Variants in ACSM5 observed in about 807,000 individuals in gnomAD.
ACSM5 encodes acyl-coenzyme A synthetase ACSM5, mitochondrial.
ACSM5 carries 56 observed loss-of-function variants against 71.6 expected under a neutral mutation model. The observed-to-expected ratio is 0.78, with a 90% CI of 0.63 to 0.98. The LOEUF (loss-of-function observed/expected upper bound fraction) is 0.98. Among genes scored for constraint, ACSM5 ranks in the 50% least tolerant of loss-of-function variants. The probability of loss-of-function intolerance (pLI) is 0.00; values close to 1 mark genes in which losing one functional copy is unlikely to be tolerated. For synonymous variants in ACSM5, 285 were observed against 281.5 expected (o/e 1.01, Z -0.12); for missense variants, 723 against 726.0 (o/e 1.00, Z 0.05).
chr16:20,433,301 C>A (rs1967136875), intron 10 of ACSM5, among the ~76,000 whole-genome samples: 1 of 152,222 alleles, frequency 6.6e-6, no homozygotes, highest in Non-Finnish European at 1.5e-5. Context: ...CTACAATAAA[C>A]ATAAACATTT....
intron 2 of ACSM5, among the ~76,000 whole-genome samples, chr16:20,414,352 G>A (rs141350228): frequency 5.3e-5 from 8 of 152,244 alleles, no homozygotes; most frequent in African/African-American, 1.9e-4. Flanking sequence ...AAGGCAGGAG[G>A]GTCAGAGTCA....
rs765180482 is a variant in ACSM5, at chr16:20,418,120, A to G, written c.266A>G (p.Lys89Arg). 2.5e-6 allele frequency: 4 copies of G among 1,613,852 alleles called. No individual in the cohort carries two copies. The Admixed American group carries it at 6.7e-5, about 27-fold the overall frequency. Reference protein sequence around the residue: ...WWVNGTGAEIKWSFEELGKQS... With the variant: ...WWVNGTGAEIRWSFEELGKQS... ...GTCAATGGCACAGGAGCAGAGATCA[A>G]GTGGAGCTTTGAGGAGCTGGGGAAG... Residue 89 changes from lysine to arginine, a missense_variant, in exon 3 of 14, where the codon AAG becomes AGG. Lys to Arg is a conservative substitution (Grantham distance 26, BLOSUM62 2). Transcript: ENST00000331849.
intron 3 of ACSM5, 111 bp downstream of exon 3, chr16:20,418,380 G>A: frequency 1.8e-6 from 2 of 1,083,470 alleles, no homozygotes; most frequent in Non-Finnish European, 2.6e-6. Flanking sequence ...ATGTGGAGTT[G>A]TGTTTACTTC....
intron 10 of ACSM5, among the ~76,000 whole-genome samples, chr16:20,432,599 G>GA (rs998477374): frequency 5.3e-5 from 8 of 152,034 alleles, no homozygotes; most frequent in Non-Finnish European, 8.8e-5. Context: ...TGACCCCACT[G>GA]AAAAAATGCA....
intron 7 of ACSM5, among the ~76,000 whole-genome samples, chr16:20,428,398 G>A (rs956672654): frequency 1.3e-5 from 2 of 152,166 alleles, no homozygotes; most frequent in South Asian, 2.1e-4. Context: ...ATGCCATTGG[G>A]CACCCAAGAG....
chr16:20,410,208 C>T (rs893027189), intron 1 of ACSM5, among the ~76,000 whole-genome samples: 47 of 152,130 alleles, frequency 3.1e-4, no homozygotes, highest in African/African-American at 1.0e-3. Context: ...TGTTGTGCCA[C>T]GTTATTATTG....
At chr16:20,419,847 T>C (rs1160840029) in intron 4 of ACSM5, 2 of 242,566 alleles carry the variant, frequency 8.2e-6, no homozygotes, top group African/African-American at 4.5e-5. Flanking sequence ...GCAGCGAAGA[T>C]TTAATGAACA....
rs267604438 is a variant in ACSM5, at chr16:20,440,420, G to A, written c.1733G>A (p.Gly578Glu). The A allele has an allele frequency of 4.3e-6, 7 of 1,610,312 alleles. No individual in the cohort carries two copies. The highest frequency in any genetic ancestry group is 2.2e-5 in the East Asian group (1 of 44,876). The change falls in exon 14 of 14, where the codon GGG (glycine) becomes GAG (glutamate). Residue 578 changes from glycine (G) to glutamate (E), a missense_variant. Physicochemically the swap from Gly to Glu is moderately conservative, Grantham distance 98. Coordinates refer to ENST00000331849, the MANE Select transcript of ACSM5 (RefSeq NM_017888.3). ...AGTAAATTGCGAAGTCAGGAGTGGG[G>A]GAAATGAGGTGCACCCCAGGAAGGC... is the stretch of plus-strand genomic sequence containing the variant. Reference protein sequence around the residue: ...QRSKLRSQEWGK With the variant: ...QRSKLRSQEWEK
intron 10 of ACSM5, among the ~76,000 whole-genome samples, chr16:20,435,031 TTTTTG>T (rs1259836100): frequency 1.3e-5 from 2 of 152,132 alleles, no homozygotes; most frequent in Non-Finnish European, 2.9e-5. Context: ...AATTAAGTCT[TTTTTG>T]TTTTGTTTTG....
In ACSM5 at chr16:20,421,341, C is replaced by G; in HGVS notation, c.707C>G (p.Ala236Gly). 6.2e-7 allele frequency: 1 copy of G among 1,609,548 alleles called. No individual in the cohort carries two copies. The change falls in exon 5 of 14, where the codon GCC (alanine) becomes GGC (glycine). Residue 236 changes from alanine (A) to glycine (G), a missense_variant. Ala to Gly is a moderately conservative substitution (Grantham distance 60). Coordinates refer to ENST00000331849, the MANE Select transcript of ACSM5 (RefSeq NM_017888.3). ...AIYFTSGTTG[A>G]PKMVEHSQSS... ...TACTTTACCAGCGGAACCACCGGGG[C>G]CCCCAAGATGGTCGAGCACTCCCAG... is the stretch of plus-strand genomic sequence containing the variant.
At chr16:20,436,291 G>C (rs1199711484) in intron 10 of ACSM5, among the ~76,000 whole-genome samples, 1 of 99,824 alleles carries the variant, frequency 1.0e-5, no homozygotes. Flanking sequence ...CCTTTCCTTT[G>C]TTTCCTACTT....
intron 2 of ACSM5, among the ~76,000 whole-genome samples, chr16:20,415,009 T>C (rs536085434): frequency 6.6e-6 from 1 of 152,298 alleles, no homozygotes; most frequent in Non-Finnish European, 1.5e-5. Flanking sequence ...AAATTTTGGC[T>C]GAATGGTGTC....
intron 10 of ACSM5, among the ~76,000 whole-genome samples, chr16:20,433,631 A>G (rs778925137): frequency 1.3e-5 from 2 of 152,216 alleles, no homozygotes; most frequent in Non-Finnish European, 2.9e-5. Flanking sequence ...GAATTTGTTC[A>G]AATGCATAAT....
chr16:20,415,153 T>C (rs1442607989), intron 2 of ACSM5, among the ~76,000 whole-genome samples: 1 of 152,064 alleles, frequency 6.6e-6, no homozygotes, highest in Non-Finnish European at 1.5e-5. Context: ...AGGAAAGAAA[T>C]AGACAGAGGA....
At position 20,440,680 on chromosome 16, in the gene ACSM5, G is replaced by C; in HGVS notation, c.*253G>C. 1 of 428,106 alleles carries C rather than the reference G, an allele frequency of 2.3e-6. No homozygotes were observed. Among genetic ancestry groups the C allele is most frequent in the East Asian group, 4.2e-5 (1 of 23,846 alleles). The allele number at this position is 428,106 out of a possible 1,614,324, so 26.5% of individuals were successfully genotyped here. ...CGACTTCTCCCTCTGTCTGGGGGCA[G>C]GCTCAGCATCTGCCCACTGGTCTCA... On this transcript the variant is annotated 3_prime_UTR_variant, in exon 14 of 14. Transcript: ENST00000331849.
intron 5 of ACSM5, among the ~76,000 whole-genome samples, chr16:20,423,347 T>C (rs551036756): frequency 2.6e-5 from 4 of 152,362 alleles, no homozygotes; most frequent in African/African-American, 7.2e-5. Context: ...ATTCCTGGGA[T>C]GCTCCTGCTT....
At chr16:20,434,011 CTTTG>C (rs1203295332) in intron 10 of ACSM5, among the ~76,000 whole-genome samples, 5 of 152,008 alleles carry the variant, frequency 3.3e-5, no homozygotes, top group Admixed American at 2.6e-4. Flanking sequence ...GATATCGGTC[CTTTG>C]TTTGTTTTAA....
chr16:20,432,271 G>C (rs1198514796), intron 10 of ACSM5, among the ~76,000 whole-genome samples: 3 of 152,152 alleles, frequency 2.0e-5, no homozygotes, highest in East Asian at 3.9e-4. Flanking sequence ...ATTTCTGTTG[G>C]TGTGGATCAG....
intron 5 of ACSM5, among the ~76,000 whole-genome samples, chr16:20,421,603 T>G (rs1377508366): frequency 1.5e-5 from 2 of 137,672 alleles, no homozygotes; most frequent in Admixed American, 7.7e-5. Flanking sequence ...GAGGTTTCTT[T>G]TTAAATCGTG....
Sources: allele counts gnomAD v4.1 joint callset (sites outside exome capture counted in the v4.1 genomes callset), GRCh38; gene constraint gnomAD v4.1.1; transcripts MANE v1.5; gene names NCBI Gene and HGNC (gene_info 2026-07-23, HGNC 2026-07-21).